Variants in PLPPR5 observed in about 807,000 individuals in gnomAD.
PLPPR5 encodes the protein phospholipid phosphatase related 5, also known as phospholipid phosphatase-related protein type 5.
PLPPR5 carries 16 observed loss-of-function variants against 33.9 expected under a neutral mutation model. That is an observed-to-expected ratio of 0.47 (90% CI 0.32 to 0.72). The LOEUF (loss-of-function observed/expected upper bound fraction) is 0.72. Ranked by LOEUF, PLPPR5 falls within the 30% of genes least tolerant of loss-of-function variation. The pLI, the probability that PLPPR5 is intolerant of heterozygous loss-of-function variation, is 0.03. For synonymous variants in PLPPR5, 163 were observed against 150.3 expected, an observed-to-expected ratio of 1.08 and a Z score of -0.62; for missense variants, 301 against 406.7, an observed-to-expected ratio of 0.74 and a Z score of 2.23.
intron 5 of PLPPR5, 59 bp from the exon 6 acceptor site, chr1:98,893,163 T>C (rs1648345947): frequency 1.3e-6 from 2 of 1,485,178 alleles, no homozygotes; most frequent in Non-Finnish European, 1.9e-6. Flanking sequence ...CTTTGTAAAA[T>C]ATGTAGTACC....
intron 5 of PLPPR5, among the ~76,000 whole-genome samples, chr1:98,902,676 T>C (rs1282877430): frequency 6.6e-6 from 1 of 152,042 alleles, no homozygotes; most frequent in Admixed American, 6.6e-5. Flanking sequence ...GAAATAGACC[T>C]GAAAAAAGAG....
intron 1 of PLPPR5, among the ~76,000 whole-genome samples, chr1:98,993,079 G>A (rs1652506756): frequency 6.6e-6 from 1 of 152,218 alleles, no homozygotes; most frequent in East Asian, 1.9e-4. Context: ...TAAAGTAGTT[G>A]AACAATGTCT....
chr1:98,904,861 A>G (rs1436099198), intron 5 of PLPPR5, among the ~76,000 whole-genome samples: 3 of 152,172 alleles, frequency 2.0e-5, no homozygotes, highest in African/African-American at 7.2e-5. Flanking sequence ...TGGGTAGGGG[A>G]GAGGGATGGT....
chr1:98,956,508 C>A, intron 2 of PLPPR5, 101 bp downstream of exon 2: 3 of 1,151,240 alleles, frequency 2.6e-6, no homozygotes, highest in South Asian at 1.8e-5. Flanking sequence ...AGAAAAAAAC[C>A]CCTAATATTT....
Position 98,975,304 on chromosome 1 carries a change from G to C in PLPPR5, c.238-18563C>G, listed in dbSNP as rs112267701. Among the ~76,000 whole-genome samples, 133 of 152,130 alleles carry C rather than the reference G, an allele frequency of 8.7e-4. 1 individual carries two copies. The highest frequency in any genetic ancestry group is 6.8e-3 in the Middle Eastern group (2 of 294). On this transcript the variant is annotated intron_variant, in intron 1 of 5. Transcript: ENST00000263177. The stretch of plus-strand genomic sequence containing the variant: ...GGTTTTTGTGTCCAATCCCTTCTTT[G>C]CATAAAGTATTCAGGCATGTGGTAA...
chr1:98,923,251 A>G (rs764342288), intron 3 of PLPPR5, among the ~76,000 whole-genome samples: 1 of 152,212 alleles, frequency 6.6e-6, no homozygotes, highest in Non-Finnish European at 1.5e-5. Flanking sequence ...TGTTGACTGT[A>G]TTCAATTATT....
intron 4 of PLPPR5, 136 bp from the exon 5 acceptor site, chr1:98,915,056 A>G: frequency 5.6e-6 from 4 of 708,412 alleles, no homozygotes; most frequent in South Asian, 2.5e-5. Flanking sequence ...ATGAATTTAT[A>G]TCCAGATTTA....
chr1:98,993,255 G>T (rs528130386), intron 1 of PLPPR5, among the ~76,000 whole-genome samples: 1 of 152,136 alleles, frequency 6.6e-6, no homozygotes, highest in Admixed American at 6.6e-5. Flanking sequence ...AAAAGTTCCA[G>T]TTATGAAGAA....
At chr1:98,898,834 G>T (rs1648580314) in intron 5 of PLPPR5, among the ~76,000 whole-genome samples, 1 of 152,044 alleles carries the variant, frequency 6.6e-6, no homozygotes, top group African/African-American at 2.4e-5. Flanking sequence ...CCATTCAGAA[G>T]TTTCCCTTTT....
intron 3 of PLPPR5, among the ~76,000 whole-genome samples, chr1:98,942,927 GGT>G (rs928158524): frequency 6.0e-4 from 91 of 152,198 alleles, no homozygotes; most frequent in African/African-American, 2.1e-3. Flanking sequence ...CACAAAGCTG[GGT>G]GTCTTAATAT....
At chr1:98,998,991 A>T (rs1435344331) in intron 1 of PLPPR5, among the ~76,000 whole-genome samples, 1 of 152,178 alleles carries the variant, frequency 6.6e-6, no homozygotes, top group Non-Finnish European at 1.5e-5. Context: ...GCCCACTTGG[A>T]CAAACAGAGG....
intron 5 of PLPPR5, among the ~76,000 whole-genome samples, chr1:98,908,122 C>T (rs1360059399): frequency 1.3e-5 from 2 of 152,134 alleles, no homozygotes; most frequent in South Asian, 2.1e-4. Flanking sequence ...GTAAATGAAA[C>T]GGACTCCTTA....
intron 3 of PLPPR5, among the ~76,000 whole-genome samples, chr1:98,927,328 C>A (rs565172408): frequency 6.6e-6 from 1 of 152,290 alleles, no homozygotes; most frequent in East Asian, 1.9e-4. Flanking sequence ...GCCTGCAAGA[C>A]CTCAAGGTCA....
intron 1 of PLPPR5, among the ~76,000 whole-genome samples, chr1:98,958,721 C>T (rs1557683852): frequency 1.3e-5 from 2 of 152,162 alleles, no homozygotes; most frequent in Non-Finnish European, 2.9e-5. Flanking sequence ...CATGTCCTAC[C>T]TCCTCTTCAG....
chr1:98,959,780 C>A (rs1024303634), intron 1 of PLPPR5, among the ~76,000 whole-genome samples: 2 of 152,176 alleles, frequency 1.3e-5, no homozygotes, highest in Admixed American at 6.5e-5. Flanking sequence ...GATAAGGCAT[C>A]TCCCTCAGTC....
chr1:98,968,720 A>T (rs1039353647), intron 1 of PLPPR5, among the ~76,000 whole-genome samples: 1 of 152,040 alleles, frequency 6.6e-6, no homozygotes, highest in Non-Finnish European at 1.5e-5. Flanking sequence ...TACCCATAAA[A>T]GTGAAAAAAA....
intron 1 of PLPPR5, among the ~76,000 whole-genome samples, chr1:99,002,046 A>T (rs535094483): frequency 1.2e-4 from 18 of 152,028 alleles, no homozygotes; most frequent in African/African-American, 4.3e-4. Flanking sequence ...GGTACTGTTA[A>T]TATTATTATT....
At position 98,891,721 on chromosome 1, in the gene PLPPR5, G is replaced by A. The variant is rs930796679; in HGVS notation, c.*1351C>T. The A allele has an allele frequency of 3.9e-5, 6 of 152,002 alleles. No individual in the cohort carries two copies. The highest frequency in any genetic ancestry group is 1.4e-4 in the African/African-American group (6 of 41,384). 9.4% of individuals were successfully genotyped at this position (152,002 alleles called of 1,614,324 possible). A position where few individuals can be genotyped will look rare whatever the true frequency, so the allele number is the denominator to read the frequency against. ...TTATATAGTTTTATATTTGAAAAGT[G>A]TTCATTCTTAAAACATAAACATTTA... On this transcript the variant is annotated 3_prime_UTR_variant, in exon 6 of 6. Coordinates refer to ENST00000263177, the MANE Select transcript of PLPPR5 (RefSeq NM_001037317.2).
At chr1:98,950,519 T>A (rs1650740044) in intron 3 of PLPPR5, among the ~76,000 whole-genome samples, 1 of 152,172 alleles carries the variant, frequency 6.6e-6, no homozygotes, top group African/African-American at 2.4e-5. Context: ...GATGTTGAGA[T>A]TCTTCTAGTG....
Sources: gnomAD v4.1 joint callset for allele counts (sites outside exome capture counted in the v4.1 genomes callset) on GRCh38, gnomAD v4.1.1 for gene constraint, MANE v1.5 for transcripts, NCBI Gene and HGNC (gene_info 2026-07-23, HGNC 2026-07-21) for gene names.